The following SRGAP3 variants were observed in gnomAD, a reference collection of about 807,000 sequenced individuals.
SRGAP3 encodes the protein SLIT-ROBO Rho GTPase activating protein 3, also known as SLIT-ROBO Rho GTPase-activating protein 3.
Under a neutral mutation model 121.1 loss-of-function variants are expected in SRGAP3, and 39 were observed. That is an observed-to-expected ratio of 0.32 (90% CI 0.25 to 0.42). SRGAP3 has a LOEUF of 0.42. SRGAP3 is among the 10% of genes least tolerant of loss of function. The pLI is 1.00. For missense variants in SRGAP3, 1,213 were observed against 1,470.6 expected (o/e 0.82, Z 2.86); for synonymous variants, 601 against 570.0 (o/e 1.05, Z -0.77).
At chr3:9,118,451 A>G (rs1295825216) in intron 2 of SRGAP3, among the ~76,000 whole-genome samples, 1 of 152,196 alleles carries the variant, frequency 6.6e-6, no homozygotes, top group Non-Finnish European at 1.5e-5. Flanking sequence ...CTGCTACACC[A>G]GAGTCCTGCT....
chr3:9,221,723 C>G (rs1158076960), intron 1 of SRGAP3, among the ~76,000 whole-genome samples: 1 of 152,166 alleles, frequency 6.6e-6, no homozygotes, highest in East Asian at 1.9e-4. Context: ...CTATGTGCTG[C>G]AGAAAGCCAG....
At chr3:9,006,872 G>A (rs1436928893) in intron 18 of SRGAP3, 1 of 151,716 alleles carries the variant, frequency 6.6e-6, no homozygotes. Flanking sequence ...TATAACTCTT[G>A]GAGACCAAAG....
At chr3:9,268,870 C>T (rs1954420053) in intron 3 of SRGAP3, among the ~76,000 whole-genome samples, 1 of 152,138 alleles carries the variant, frequency 6.6e-6, no homozygotes, top group Non-Finnish European at 1.5e-5. Context: ...CCTTCCTTTT[C>T]CCCAGAAGTT....
intron 5 of SRGAP3, among the ~76,000 whole-genome samples, chr3:9,064,145 C>T (rs766987413): frequency 1.3e-5 from 2 of 152,200 alleles, no homozygotes; most frequent in African/African-American, 4.8e-5. Flanking sequence ...TTGAGCACCT[C>T]GTCTGCCTGC....
chr3:9,220,337 T>TA, intron 1 of SRGAP3, among the ~76,000 whole-genome samples: 1 of 151,966 alleles, frequency 6.6e-6, no homozygotes, highest in East Asian at 1.9e-4. Flanking sequence ...TAAAGCAATT[T>TA]TTTAAAAAAG....
At chr3:9,035,507 G>GTGC (rs1281305835) in intron 11 of SRGAP3, 1 of 182,042 alleles carries the variant, frequency 5.5e-6, no homozygotes, top group African/African-American at 2.4e-5. Flanking sequence ...ACTTACTGAA[G>GTGC]TGCTGGGTGG....
intron 5 of SRGAP3, among the ~76,000 whole-genome samples, chr3:9,063,970 G>A (rs537405001): frequency 6.6e-6 from 1 of 152,262 alleles, no homozygotes; most frequent in East Asian, 1.9e-4. Flanking sequence ...CTCTTGTTGA[G>A]ACACATTCAG....
chr3:9,151,327 G>A (rs866978093), intron 1 of SRGAP3, among the ~76,000 whole-genome samples: 10 of 152,178 alleles, frequency 6.6e-5, no homozygotes, highest in African/African-American at 1.4e-4. Flanking sequence ...AGGCTCGTTC[G>A]GGATGTTTGG....
intron 1 of SRGAP3, among the ~76,000 whole-genome samples, chr3:9,182,967 T>G (rs1483718481): frequency 2.6e-5 from 4 of 152,158 alleles, no homozygotes; most frequent in African/African-American, 9.7e-5. Flanking sequence ...CCAAAGATTT[T>G]AATTATATCT....
Position 9,124,856 on chromosome 3 carries a change from C to T in SRGAP3, c.129G>A (p.Leu43=). The stretch of plus-strand genomic sequence containing the variant: ...ACTCCTGGAGGTCTTGAAGCAGCTG[C>T]AGTCGCGACTCTGATTGCTGCTCCA... ...KCLEQQSESR[L]QLLQDLQEFF... Residue 43 remains leucine (L), a synonymous_variant, in exon 2 of 22, where the codon CTG becomes CTA. Coordinates refer to ENST00000383836, the MANE Select transcript of SRGAP3 (RefSeq NM_014850.4). The T allele has an allele frequency of 3.7e-6, 6 of 1,614,220 alleles. No individual in the cohort carries two copies. Among genetic ancestry groups the T allele is most frequent in the East Asian group, 2.2e-5 (1 of 44,882 alleles).
intron 3 of SRGAP3, among the ~76,000 whole-genome samples, chr3:9,092,243 A>T (rs1267180363): frequency 1.3e-5 from 2 of 152,046 alleles, no homozygotes; most frequent in African/African-American, 4.8e-5. Flanking sequence ...ATGGTTATGA[A>T]AAGTGACCTG....
intron 1 of SRGAP3, among the ~76,000 whole-genome samples, chr3:9,335,874 T>A (rs150103397): frequency 6.6e-6 from 1 of 152,138 alleles, no homozygotes; most frequent in East Asian, 1.9e-4. Flanking sequence ...TTATTATTAT[T>A]TTTTTTAGTC....
intron 3 of SRGAP3, among the ~76,000 whole-genome samples, chr3:9,318,232 G>A (rs182681982): frequency 1.1e-4 from 16 of 151,756 alleles, no homozygotes; most frequent in African/African-American, 3.6e-4. Flanking sequence ...ATAGGCACCA[G>A]TCCTCACTCA....
intron 1 of SRGAP3, among the ~76,000 whole-genome samples, chr3:9,242,732 C>T (rs375636120): frequency 5.3e-5 from 8 of 152,266 alleles, no homozygotes; most frequent in South Asian, 2.1e-4. Flanking sequence ...TCACCCAAGC[C>T]GGAGTACAGT....
At chr3:9,188,289 AAG>A (rs1460096249) in intron 1 of SRGAP3, among the ~76,000 whole-genome samples, 5 of 152,242 alleles carry the variant, frequency 3.3e-5, no homozygotes, top group Admixed American at 3.3e-4. Flanking sequence ...TACCCAAGGG[AAG>A]ACTGAGCAAG....
chr3:9,267,270 T>C (rs1954384414), intron 3 of SRGAP3, among the ~76,000 whole-genome samples: 1 of 152,164 alleles, frequency 6.6e-6, no homozygotes, highest in South Asian at 2.1e-4. Context: ...AAACACCTTG[T>C]TAATTGTGCC....
exon 1 of SRGAP3, chr3:9,362,966 C>A (rs73126664): frequency 2.0e-5 from 3 of 152,340 alleles, no homozygotes; most frequent in East Asian, 1.9e-4. Flanking sequence ...GCTTCCAGCG[C>A]ATGCTCCTTT....
intron 3 of SRGAP3, among the ~76,000 whole-genome samples, chr3:9,263,342 C>T (rs913498112): frequency 2.0e-5 from 3 of 151,746 alleles, no homozygotes; most frequent in African/African-American, 7.3e-5. Context: ...TCAAAAGCTA[C>T]CAGAAGACGA....
chr3:9,153,818 T>C (rs1031409664), intron 1 of SRGAP3, among the ~76,000 whole-genome samples: 1 of 152,208 alleles, frequency 6.6e-6, no homozygotes, highest in African/African-American at 2.4e-5. Flanking sequence ...CTAAATCATG[T>C]GCATTATATT....
Sources: gnomAD v4.1 joint callset for allele counts (sites outside exome capture counted in the v4.1 genomes callset) on GRCh38, gnomAD v4.1.1 for gene constraint, MANE v1.5 for transcripts, NCBI Gene and HGNC (gene_info 2026-07-23, HGNC 2026-07-21) for gene names.